Variants in LHCGR observed in about 807,000 individuals in gnomAD.
The protein encoded by LHCGR is lutropin-choriogonadotropic hormone receptor.
A neutral mutation model predicts 60.7 loss-of-function variants in LHCGR; 55 were observed. That is an observed-to-expected ratio of 0.91 (90% CI 0.73 to 1.13). LHCGR has a LOEUF of 1.13. Ranked by LOEUF, LHCGR falls within the 50% of genes most tolerant of loss-of-function variation. The pLI is 0.00. For missense variants in LHCGR, 862 were observed against 836.0 expected, an observed-to-expected ratio of 1.03 and a Z score of -0.38; for synonymous variants, 337 against 316.5, an observed-to-expected ratio of 1.06 and a Z score of -0.69.
At chr2:48,743,669 A>T (rs1215742654) in intron 1 of LHCGR, among the ~76,000 whole-genome samples, 2 of 152,310 alleles carry the variant, frequency 1.3e-5, no homozygotes, top group South Asian at 4.1e-4. Flanking sequence ...ACTCTCAATA[A>T]ATTAGGTATT....
intron 2 of LHCGR, among the ~76,000 whole-genome samples, chr2:48,729,757 C>T (rs1371890975): frequency 6.6e-6 from 1 of 152,176 alleles, no homozygotes; most frequent in Non-Finnish European, 1.5e-5. Context: ...TGGTCAACTC[C>T]TGCACATGGT....
At chr2:48,696,019 A>G (rs1667100214) in intron 9 of LHCGR, among the ~76,000 whole-genome samples, 1 of 152,140 alleles carries the variant, frequency 6.6e-6, no homozygotes, top group Non-Finnish European at 1.5e-5. Context: ...AGTTGAATCA[A>G]AAAAATAGTG....
intron 6 of LHCGR, among the ~76,000 whole-genome samples, chr2:48,717,441 A>C (rs1477571799): frequency 6.6e-6 from 1 of 152,222 alleles, no homozygotes; most frequent in Non-Finnish European, 1.5e-5. Flanking sequence ...GTATGATAAT[A>C]GTATCAACCT....
intron 7 of LHCGR, among the ~76,000 whole-genome samples, chr2:48,713,255 T>G (rs1668080743): frequency 6.6e-6 from 1 of 152,210 alleles, no homozygotes; most frequent in Admixed American, 6.5e-5. Flanking sequence ...TTCCATAATT[T>G]TGGCTTTAAT....
At chr2:48,712,331 C>G (rs1164245757) in intron 7 of LHCGR, among the ~76,000 whole-genome samples, 1 of 152,054 alleles carries the variant, frequency 6.6e-6, no homozygotes, top group African/African-American at 2.4e-5. Flanking sequence ...CTTCATTCCC[C>G]CTCAAAATAC....
intron 1 of LHCGR, among the ~76,000 whole-genome samples, chr2:48,754,749 A>G (rs1670128398): frequency 1.3e-5 from 2 of 152,072 alleles, no homozygotes; most frequent in African/African-American, 2.4e-5. Context: ...TTTTTTCTAA[A>G]TAGGAGAAAG....
intron 9 of LHCGR, among the ~76,000 whole-genome samples, chr2:48,696,100 G>T (rs569594133): frequency 6.6e-6 from 1 of 151,852 alleles, no homozygotes; most frequent in African/African-American, 2.4e-5. Context: ...GCCCCTGATT[G>T]TCTCTTATTT....
intron 8 of LHCGR, among the ~76,000 whole-genome samples, chr2:48,704,738 C>T (rs1558830056): frequency 6.6e-6 from 1 of 151,984 alleles, no homozygotes; most frequent in Admixed American, 6.6e-5. Context: ...TGGTAATATC[C>T]CCTTTATCAT....
Position 48,752,989 on chromosome 2 carries a change from G to GTT in LHCGR, c.161+2521_161+2522insAA, listed in dbSNP as rs1427563637. 9.8e-5 allele frequency among the ~76,000 whole-genome samples: 10 copies of GTT among 101,720 alleles called. No individual in the cohort carries two copies. The East Asian group carries it at 3.0e-3, about 31-fold the overall frequency. The allele number at this position is 101,720 out of a possible 152,430, so 66.7% of individuals were successfully genotyped here. On this transcript the variant is annotated intron_variant, in intron 1 of 10. Coordinates refer to ENST00000294954, the MANE Select transcript of LHCGR (RefSeq NM_000233.4). ...GTTATGCCGGATTTTGGCGGGGGGG[G>GTT]GGGGGGGTGGGGAAGGGAAGTGTAT...
chr2:48,740,845 G>T lies in LHCGR; in HGVS notation c.162-9547C>A, dbSNP rs193298659. Among the ~76,000 whole-genome samples the T allele has an allele frequency of 6.5e-3, 992 of 152,374 alleles. 7 individuals carry two copies. The highest frequency in any genetic ancestry group is 0.011 in the Non-Finnish European group (722 of 68,040). On this transcript the variant is annotated intron_variant, in intron 1 of 10. Coordinates refer to ENST00000294954, the MANE Select transcript of LHCGR (RefSeq NM_000233.4). ...CAACGGAACAAAGCTGACAGAGAAT[G>T]ACTTTGACGAGCTGAGAGAAGAAGG...
intron 9 of LHCGR, among the ~76,000 whole-genome samples, chr2:48,696,107 A>G (rs776005033): frequency 2.0e-5 from 3 of 151,852 alleles, no homozygotes; most frequent in Admixed American, 1.3e-4. Flanking sequence ...ATTGTCTCTT[A>G]TTTCTTCTCT....
At chr2:48,693,447 C>T (rs759846211) in intron 10 of LHCGR, among the ~76,000 whole-genome samples, 7 of 152,086 alleles carry the variant, frequency 4.6e-5, no homozygotes, top group Admixed American at 1.3e-4. Flanking sequence ...GTCATTCCAC[C>T]GTACCAACCT....
In LHCGR at chr2:48,698,813, G is replaced by A; in HGVS notation, c.681-13C>T. 1.9e-6 allele frequency: 3 copies of A among 1,602,056 alleles called. No homozygotes were observed. The highest frequency in any genetic ancestry group is 2.6e-6 in the Non-Finnish European group (3 of 1,170,266). On this transcript the variant is annotated splice_polypyrimidine_tract_variant and intron_variant, in intron 8 of 10. Coordinates refer to ENST00000294954, the MANE Select transcript of LHCGR (RefSeq NM_000233.4). The stretch of plus-strand genomic sequence containing the variant: ...GGAAGAAATATCCCTGAACAATAAA[G>A]GGGAGAAATGCTTTTTATTTATTTA...
At chr2:48,693,328 C>G (rs1482310690) in intron 10 of LHCGR, among the ~76,000 whole-genome samples, 2 of 152,140 alleles carry the variant, frequency 1.3e-5, no homozygotes, top group Non-Finnish European at 2.9e-5. Flanking sequence ...CTGTTCCTTA[C>G]AGATGAGGAG....
chr2:48,696,341 C>A (rs931747357), intron 9 of LHCGR, among the ~76,000 whole-genome samples: 1 of 152,216 alleles, frequency 6.6e-6, no homozygotes, highest in Non-Finnish European at 1.5e-5. Context: ...GAAGGGACTA[C>A]TTCCAAAAGG....
rs541781340 is a variant in LHCGR at position 48,715,612 on chromosome 2, G to A, written c.537-1558C>T. Among the ~76,000 whole-genome samples, 3 of 152,176 alleles carry A rather than the reference G, an allele frequency of 2.0e-5. No homozygotes were observed. In the South Asian group the frequency reaches 6.2e-4, roughly 32 times the overall value. On this transcript the variant is annotated intron_variant, in intron 6 of 10. Coordinates refer to ENST00000294954, the MANE Select transcript of LHCGR (RefSeq NM_000233.4). The stretch of plus-strand genomic sequence containing the variant: ...TGTCTGCAAGGCCTCTCTAGTCTTT[G>A]TTAAACAAAATGAGCATGGAGCTTC...
intron 4 of LHCGR, 73 bp downstream of exon 4, chr2:48,725,603 C>A (rs938641194): frequency 6.5e-6 from 7 of 1,069,090 alleles, no homozygotes; most frequent in Admixed American, 1.7e-5. Flanking sequence ...TCTTTCCAAC[C>A]TTTTCCTTGT....
intron 9 of LHCGR, among the ~76,000 whole-genome samples, chr2:48,698,090 G>T (rs1192777763): frequency 2.0e-5 from 3 of 152,174 alleles, no homozygotes; most frequent in Non-Finnish European, 4.4e-5. Context: ...CCATGCAGGA[G>T]CTCCTTCCCT....
chr2:48,702,884 A>G (rs1479921062), intron 8 of LHCGR, among the ~76,000 whole-genome samples: 1 of 152,216 alleles, frequency 6.6e-6, no homozygotes, highest in Non-Finnish European at 1.5e-5. Flanking sequence ...TTACAGTCCC[A>G]CCAACAGTGT....
Sources: gnomAD v4.1 joint callset for allele counts (sites outside exome capture counted in the v4.1 genomes callset) on GRCh38, gnomAD v4.1.1 for gene constraint, MANE v1.5 for transcripts, NCBI Gene and HGNC (gene_info 2026-07-23, HGNC 2026-07-21) for gene names.